NDUFAF6: variants seen among roughly 807,000 people sequenced by gnomAD.
NDUFAF6 encodes NADH:ubiquinone oxidoreductase complex assembly factor 6.
A neutral mutation model predicts 40.8 loss-of-function variants in NDUFAF6; 45 were observed. The ratio of observed to expected loss-of-function variants is 1.10; its 90% confidence interval spans 0.87 to 1.42. NDUFAF6 has a LOEUF of 1.42. Ranked by LOEUF, NDUFAF6 falls within the 40% of genes most tolerant of loss-of-function variation. The pLI, the probability that NDUFAF6 is intolerant of heterozygous loss-of-function variation, is 0.00. For missense variants in NDUFAF6, 435 were observed against 418.5 expected (o/e 1.04, Z -0.34); for synonymous variants, 185 against 155.9 (o/e 1.19, Z -1.39).
intron 1 of NDUFAF6, among the ~76,000 whole-genome samples, chr8:94,968,628 C>T (rs1281596936): frequency 6.6e-6 from 1 of 152,076 alleles, no homozygotes; most frequent in Non-Finnish European, 1.5e-5. Context: ...GGTGGGATCA[C>T]GAAGAGACTT....
rs555956218 is a variant in NDUFAF6 at position 94,980,888 on chromosome 8, G to T, written c.-169G>T. 670 of 455,940 alleles carry T rather than the reference G, an allele frequency of 1.5e-3. 10 individuals are homozygous for T. Among genetic ancestry groups the T allele is most frequent in the Middle Eastern group, 9.1e-3 (28 of 3,066 alleles). The allele number at this position is 455,940 out of a possible 1,614,324, so 28.2% of individuals were successfully genotyped here. ...CTCTCAACAACCCATGAAGTGTCTG[G>T]AGCTCCACCCTCTGCTCAAGAGGAA... On this transcript the variant is annotated 5_prime_UTR_variant, in exon 2 of 10. Coordinates refer to the NDUFAF6 transcript ENST00000396111.
At chr8:95,093,263 AATG>A (rs1809329001) in intron 2 of NDUFAF6, among the ~76,000 whole-genome samples, 1 of 152,188 alleles carries the variant, frequency 6.6e-6, no homozygotes. Flanking sequence ...GCAAAATCAG[AATG>A]ATAATATCTA....
rs375505575 is a variant in NDUFAF6, at chr8:95,045,597, A to G, written c.530A>G (p.Tyr177Cys). The change falls in exon 5 of 9, where the codon TAT (tyrosine) becomes TGT (cysteine). Residue 177 changes from tyrosine to cysteine, a missense_variant. Physicochemically the swap from Tyr to Cys is radical, Grantham distance 194. Coordinates refer to ENST00000396124, the MANE Select transcript of NDUFAF6 (RefSeq NM_152416.4). ...AYRNIKELEN[Y>C]AENTQSSLLY... ...CGTAATATCAAGGAACTGGAAAATT[A>G]TGCTGAAAACACACAGAGCTCTCTT... 1.9e-6 allele frequency: 3 copies of G among 1,613,622 alleles called. No individual in the cohort carries two copies. The South Asian group carries it at 3.3e-5, about 18-fold the overall frequency.
chr8:95,056,464 C>T (rs536248513), intron 8 of NDUFAF6, among the ~76,000 whole-genome samples: 2 of 152,168 alleles, frequency 1.3e-5, no homozygotes, highest in South Asian at 2.1e-4. Context: ...CCACCTGCCT[C>T]GGTCTCCCAA....
exon 10 of NDUFAF6, chr8:95,075,806 C>A: frequency 1.4e-6 from 1 of 715,316 alleles, no homozygotes; most frequent in Non-Finnish European, 2.1e-6. Flanking sequence ...AATCTTGCTT[C>A]ACTCGAACAC....
downstream of NDUFAF6, chr8:95,078,662 A>AAATATATAT (rs545018367): frequency 3.4e-4 from 41 of 121,040 alleles, no homozygotes; most frequent in African/African-American, 1.0e-3. Context: ...AAAAAAAAAA[A>AAATATATAT]ATATATATAT....
chr8:94,960,558 A>G (rs183725489), intron 1 of NDUFAF6, among the ~76,000 whole-genome samples: 183 of 152,350 alleles, frequency 1.2e-3, no homozygotes, highest in African/African-American at 4.1e-3. Flanking sequence ...TGCTTGGTGC[A>G]CAGACAATGA....
rs33917264 is a variant in NDUFAF6 at position 95,012,823 on chromosome 8, C to CA, written c.-83-19164dup. 6.8e-3 allele frequency among the ~76,000 whole-genome samples: 1,019 copies of CA among 150,900 alleles called. 16 individuals are homozygous for CA. Among genetic ancestry groups the CA allele is most frequent in the Middle Eastern group, 0.034 (10 of 294 alleles). ...TGGGTGACAGAGTAAGACTCTGTCT[C>CA]AAAAAAAACAGCAAAAACCCCTTTT... On this transcript the variant is annotated intron_variant, in intron 2 of 9. Transcript: ENST00000396111.
Position 95,045,728 on chromosome 8 carries a change from A to C in NDUFAF6, c.580+81A>C, listed in dbSNP as rs1830671123. The C allele has an allele frequency of 3.4e-6, 4 of 1,181,830 alleles. No individual in the cohort carries two copies. In the East Asian group the frequency reaches 9.4e-5, roughly 28 times the overall value. The allele number at this position is 1,181,830 out of a possible 1,614,324, so 73.2% of individuals were successfully genotyped here. A position where few individuals can be genotyped will look rare whatever the true frequency, so the allele number is the denominator to read the frequency against. ...TCACTTTTTCATAATTTGGTAATCTAACCAGTTTAGCACTAAAGCCTTCCT... is the reference window on the plus strand; with the variant it reads ...TCACTTTTTCATAATTTGGTAATCTCACCAGTTTAGCACTAAAGCCTTCCT... On this transcript the variant is annotated intron_variant, in intron 5 of 8. Transcript: ENST00000396124.
At chr8:94,956,411 G>A (rs1412299812), upstream of NDUFAF6, among the ~76,000 whole-genome samples, 1 of 152,172 alleles carries the variant, frequency 6.6e-6, no homozygotes, top group Non-Finnish European at 1.5e-5. Flanking sequence ...GGAACAGTGA[G>A]TGTGAAGGTC....
intron 6 of NDUFAF6, among the ~76,000 whole-genome samples, chr8:95,047,878 T>G (rs1830984065): frequency 6.6e-6 from 1 of 152,190 alleles, no homozygotes. Context: ...TTTTCTTGCT[T>G]GTATATTTTC....
intron 1 of NDUFAF6, among the ~76,000 whole-genome samples, chr8:94,932,841 G>A (rs916366347): frequency 6.6e-6 from 1 of 151,968 alleles, no homozygotes; most frequent in Non-Finnish European, 1.5e-5. Flanking sequence ...CCAAAATAAG[G>A]ATGTTAAAAA....
At chr8:95,071,403 GA>G (rs10583999) in intron 9 of NDUFAF6, among the ~76,000 whole-genome samples, 50,040 of 106,136 alleles carry the variant, frequency 0.47, 9,952 homozygotes, top group East Asian at 0.73. Flanking sequence ...GTCTCCAAAA[GA>G]AAAAAAAAAA....
At chr8:94,944,089 G>T (rs1214860464) in intron 1 of NDUFAF6, among the ~76,000 whole-genome samples, 1 of 152,208 alleles carries the variant, frequency 6.6e-6, no homozygotes, top group Non-Finnish European at 1.5e-5. Context: ...ATTTTAAATT[G>T]TGGAGGCAGA....
chr8:95,084,301 T>A (rs759467632), intron 2 of NDUFAF6, among the ~76,000 whole-genome samples: 7 of 152,106 alleles, frequency 4.6e-5, no homozygotes, highest in Non-Finnish European at 1.0e-4. Context: ...TATTATTTCT[T>A]TATATATATT....
chr8:94,926,535 G>A (rs1306791593), intron 1 of NDUFAF6: 1 of 151,924 alleles, frequency 6.6e-6, no homozygotes, highest in Non-Finnish European at 1.5e-5. Flanking sequence ...CCAGGTACTG[G>A]TTTGGTTTTC....
intron 1 of NDUFAF6, among the ~76,000 whole-genome samples, chr8:94,901,860 C>G (rs888991784): frequency 3.9e-5 from 6 of 152,176 alleles, no homozygotes; most frequent in Non-Finnish European, 5.9e-5. Context: ...GCTGGGATTG[C>G]AGGCATAAGC....
rs946622131 is a variant in NDUFAF6 at position 94,933,182 on chromosome 8, A to G, written c.-935-12301A>G. Among the ~76,000 whole-genome samples, 4 of 151,862 alleles carry G rather than the reference A, an allele frequency of 2.6e-5. No individual in the cohort carries two copies. The South Asian group carries it at 6.2e-4, about 24-fold the overall frequency. ...AGTGAGCCGAGATTGCGCCGCTGCA[A>G]TCCAGCCTGGGCAACAGTGAGACTC... On this transcript the variant is annotated intron_variant, in intron 1 of 14. Transcript: ENST00000396113.
chr8:95,092,949 A>G (rs906846599), intron 2 of NDUFAF6, among the ~76,000 whole-genome samples: 6 of 152,216 alleles, frequency 3.9e-5, no homozygotes, highest in African/African-American at 7.2e-5. Context: ...ATAGTATCCA[A>G]AATAAAACCG....
Sources: gnomAD v4.1 joint callset for allele counts (sites outside exome capture counted in the v4.1 genomes callset) on GRCh38, gnomAD v4.1.1 for gene constraint, MANE v1.5 for transcripts, NCBI Gene and HGNC (gene_info 2026-07-23, HGNC 2026-07-21) for gene names.